FRA10AC1: variants seen among roughly 807,000 people sequenced by gnomAD.
FRA10AC1 encodes the protein FRA10A associated CGG repeat 1, also known as protein FRA10AC1.
FRA10AC1 carries 43 observed loss-of-function variants against 56.5 expected under a neutral mutation model. The ratio of observed to expected loss-of-function variants is 0.76; its 90% CI spans 0.60 to 0.98. The LOEUF (loss-of-function observed/expected upper bound fraction) is 0.98, where lower values mean the gene tolerates loss of function less well. Among genes scored for constraint, FRA10AC1 ranks in the 50% least tolerant of loss-of-function variants. The probability of loss-of-function intolerance (pLI) is 0.00; values close to 1 mark genes in which losing one functional copy is unlikely to be tolerated. For synonymous variants in FRA10AC1, 112 were observed against 110.5 expected (o/e 1.01, Z -0.09); for missense variants, 346 against 351.8 (o/e 0.98, Z 0.13).
At chr10:93,670,020 A>G (rs1486165451) in intron 13 of FRA10AC1, 152 bp from the exon 14 acceptor site, 1 of 500,088 alleles carries the variant, frequency 2.0e-6, no homozygotes, top group Non-Finnish European at 3.5e-6. Flanking sequence ...CAGCCATCAA[A>G]TAATTCTTAG....
At position 93,692,021 on chromosome 10, in the gene FRA10AC1, A is replaced by G; in HGVS notation, c.453T>C (p.Tyr151=). The G allele has an allele frequency of 1.3e-6, 2 of 1,566,282 alleles. No homozygotes were observed. Among genetic ancestry groups the G allele is most frequent in the Non-Finnish European group, 1.7e-6 (2 of 1,160,650 alleles). The change falls in exon 7 of 14, where the codon TAT becomes TAC. Residue 151 remains tyrosine (Y), a synonymous_variant. Transcript: ENST00000359204. ...GTGGAAAGCATACCTTATTTTCTTT[A>G]TATTTACTGAGATCTGCTATGCAGT... ...KEYCIADLSK[Y]KENKFGFRWR...
chr10:93,699,711 A>G (rs1309005274), intron 2 of FRA10AC1, among the ~76,000 whole-genome samples: 3 of 152,250 alleles, frequency 2.0e-5, no homozygotes, highest in African/African-American at 7.2e-5. Context: ...GAGCTACAAC[A>G]TTTACAAATA....
At chr10:93,684,497 CTTTTT>C (rs56873831) in intron 9 of FRA10AC1, among the ~76,000 whole-genome samples, 5 of 130,048 alleles carry the variant, frequency 3.8e-5, no homozygotes, top group African/African-American at 5.6e-5. Flanking sequence ...ATTGTGGTCT[CTTTTT>C]TTTTTTTTTT....
rs2058706174 is a variant in FRA10AC1 at position 93,667,897 on chromosome 10, A to C, written c.*1929T>G. The C allele has an allele frequency of 6.6e-6, 1 of 152,196 alleles. No individual in the cohort carries two copies. Among genetic ancestry groups the C allele is most frequent in the African/African-American group, 2.4e-5 (1 of 41,444 alleles). The allele number at this position is 152,196 out of a possible 1,614,324, so 9.4% of individuals were successfully genotyped here. On this transcript the variant is annotated 3_prime_UTR_variant, in exon 14 of 14. Transcript: ENST00000359204. ...ACTACAAGTAGTGAGGTGAAAAAAA[A>C]CAATTTATTCAAGAAGTGAGGGGAC...
At chr10:93,696,069 G>A (rs777879741) in intron 4 of FRA10AC1, among the ~76,000 whole-genome samples, 4 of 152,182 alleles carry the variant, frequency 2.6e-5, no homozygotes, top group African/African-American at 4.8e-5. Context: ...AGGCAAAGAT[G>A]TACTTCTCCC....
chr10:93,692,094 C>T lies in FRA10AC1; in HGVS notation c.381-1G>A. The T allele has an allele frequency of 6.7e-7, 1 of 1,492,048 alleles. No homozygotes were observed. The highest frequency in any genetic ancestry group is 8.9e-7 in the Non-Finnish European group (1 of 1,125,924). 92.4% of individuals were successfully genotyped at this position (1,492,048 alleles called of 1,614,324 possible). On this transcript the variant is annotated splice_acceptor_variant, in intron 6 of 13. Transcript: ENST00000359204. LOFTEE classifies it high-confidence loss of function. ...GTATTTCTTAGCAAGTCTCTTCTCC[C>T]TAGACCCATGAAAATATAAATATTA...
At chr10:93,670,874 T>C in intron 12 of FRA10AC1, 26 bp from the exon 13 acceptor site, 1 of 1,479,674 alleles carries the variant, frequency 6.8e-7, no homozygotes, top group Non-Finnish European at 9.4e-7. Flanking sequence ...AGATGATTTT[T>C]AAAAACCTAT....
At chr10:93,684,500 T>C (rs979367308) in intron 9 of FRA10AC1, among the ~76,000 whole-genome samples, 123 of 123,348 alleles carry the variant, frequency 1.0e-3, no homozygotes, top group African/African-American at 3.1e-3. Context: ...GTGGTCTCTT[T>C]TTTTTTTTTT....
intron 7 of FRA10AC1, 54 bp downstream of exon 7, chr10:93,691,955 G>C (rs746435947): frequency 3.3e-6 from 5 of 1,506,934 alleles, no homozygotes; most frequent in African/African-American, 1.4e-5. Context: ...TATAATAAAA[G>C]TTAATATTTT....
intron 12 of FRA10AC1, chr10:93,673,246 A>G (rs986083275): frequency 2.1e-5 from 9 of 437,812 alleles, no homozygotes; most frequent in Non-Finnish European, 3.2e-5. Flanking sequence ...GTCATAAAAA[A>G]TAAGTCTCCT....
chr10:93,700,140 C>A, intron 1 of FRA10AC1, 34 bp from the exon 2 acceptor site: 1 of 1,195,050 alleles, frequency 8.4e-7, no homozygotes, highest in Admixed American at 2.1e-5. Flanking sequence ...TATTTAGAAT[C>A]TATGTTGCCA....
intron 12 of FRA10AC1, 163 bp from the exon 13 acceptor site, chr10:93,671,011 T>C (rs1470986675): frequency 3.6e-6 from 2 of 554,494 alleles, no homozygotes; most frequent in Non-Finnish European, 6.4e-6. Flanking sequence ...TTTTAAAACA[T>C]ATATAAATAA....
chr10:93,685,162 G>T, intron 9 of FRA10AC1, 84 bp downstream of exon 9: 1 of 697,452 alleles, frequency 1.4e-6, no homozygotes. Flanking sequence ...GTTAAAAATT[G>T]CATTTGAATT....
At chr10:93,682,351 T>G (rs574633261) in intron 10 of FRA10AC1, among the ~76,000 whole-genome samples, 11 of 152,352 alleles carry the variant, frequency 7.2e-5, no homozygotes, top group Non-Finnish European at 1.5e-4. Flanking sequence ...CTAAATGCTA[T>G]AATAGTATTT....
At chr10:93,698,050 T>G in intron 4 of FRA10AC1, 86 bp downstream of exon 4, 3 of 751,634 alleles carry the variant, frequency 4.0e-6, no homozygotes, top group Non-Finnish European at 6.2e-6. Context: ...AAAAGCCTAT[T>G]TGACTTCACA....
chr10:93,670,788 T>G lies in FRA10AC1; in HGVS notation c.887A>C (p.Glu296Ala), dbSNP rs1462306811. The part of the protein sequence containing the change: ...ESELWKGPLP[E>A]TDEKSQEEEF... ...CACTTACTGTGATTTTTCATCTGTC[T>G]CTGGTAGTGGACCCTTCCAAAGTTC... The change falls in exon 13 of 14, where the codon GAG (glutamate) becomes GCG (alanine). Residue 296 changes from glutamate (E) to alanine (A), a missense_variant. Coordinates refer to ENST00000359204, the MANE Select transcript of FRA10AC1 (RefSeq NM_145246.5). 5 of 1,608,482 alleles carry G rather than the reference T, an allele frequency of 3.1e-6. No individual in the cohort carries two copies. Among genetic ancestry groups the G allele is most frequent in the Non-Finnish European group, 4.3e-6 (5 of 1,175,240 alleles).
rs2058933349 is a variant in FRA10AC1 at position 93,681,499 on chromosome 10, G to A, written c.768C>T (p.Ala256=). ...TTTTACCTTTATCTTTTTTCTTGGA[G>A]GCCTCTTCTGCAGAAGATAATCTGG... ...KKSRLSSAEE[A]SKKKDKGHSS... The change falls in exon 11 of 14, where the codon GCC becomes GCT. Residue 256 remains alanine (A), a synonymous_variant. Transcript: ENST00000359204. 1.3e-6 allele frequency: 2 copies of A among 1,569,692 alleles called. No individual in the cohort carries two copies. The highest frequency in any genetic ancestry group is 1.4e-5 in the African/African-American group (1 of 71,714).
chr10:93,680,185 G>A (rs1451575651), intron 11 of FRA10AC1, among the ~76,000 whole-genome samples: 3 of 152,136 alleles, frequency 2.0e-5, no homozygotes, highest in African/African-American at 7.2e-5. Context: ...TATCACAGTT[G>A]TGATAAGAAT....
rs951502632 is a variant in FRA10AC1 at position 93,669,648 on chromosome 10, T to C, written c.*178A>G. ...ATTTAAAGGACAGGAAAGTCTTTAATTGAACTAATGAACTTCCAAAGCCTC... is the reference window on the plus strand; with the variant it reads ...ATTTAAAGGACAGGAAAGTCTTTAACTGAACTAATGAACTTCCAAAGCCTC... On this transcript the variant is annotated 3_prime_UTR_variant, in exon 14 of 14. Transcript: ENST00000359204. The C allele has an allele frequency of 1.7e-6, 1 of 579,888 alleles. No homozygotes were observed. The highest frequency in any genetic ancestry group is 3.1e-6 in the Non-Finnish European group (1 of 325,192). 35.9% of individuals were successfully genotyped at this position (579,888 alleles called of 1,614,324 possible).
Sources: allele counts gnomAD v4.1 joint callset (sites outside exome capture counted in the v4.1 genomes callset), GRCh38; gene constraint gnomAD v4.1.1; transcripts MANE v1.5; gene names NCBI Gene and HGNC (gene_info 2026-07-23, HGNC 2026-07-21).